The following USH2A variants were observed in gnomAD, a reference collection of about 807,000 sequenced individuals.
USH2A encodes the protein Usher syndrome 2A (autosomal recessive, mild).
In USH2A, 443 loss-of-function variants were observed where a neutral mutation model predicts 538.9. The ratio of observed to expected loss-of-function variants is 0.82; its 90% confidence interval spans 0.76 to 0.89. The LOEUF (loss-of-function observed/expected upper bound fraction) is 0.89. Ranked by LOEUF, USH2A falls within the 40% of genes least tolerant of loss-of-function variation. The pLI, the probability that USH2A is intolerant of heterozygous loss-of-function variation, is 0.00. For missense variants in USH2A, 6,633 were observed against 6,324.8 expected (o/e 1.05, Z -1.65); for synonymous variants, 2,413 against 2,273.5 (o/e 1.06, Z -1.75).
rs571120216 is a variant in USH2A at position 216,009,039 on chromosome 1, G to C, written c.6326-8477C>G. Among the ~76,000 whole-genome samples, 180 of 151,960 alleles carry C rather than the reference G, an allele frequency of 1.2e-3. 1 individual carries two copies. Among genetic ancestry groups the C allele is most frequent in the African/African-American group, 4.2e-3 (175 of 41,410 alleles). On this transcript the variant is annotated intron_variant, in intron 32 of 71. Transcript: ENST00000307340. ...GGGGAGGGGCAAATATCCCAACCTC[G>C]TATCTCTGTGCCCCAATACCTTATT... is the stretch of plus-strand genomic sequence containing the variant.
chr1:216,006,597 T>C (rs963265472), intron 32 of USH2A, among the ~76,000 whole-genome samples: 20 of 152,332 alleles, frequency 1.3e-4, no homozygotes, highest in Non-Finnish European at 2.6e-4. Context: ...TTTCAGGTTT[T>C]CCAGTTTGAA....
At chr1:216,279,961 G>T (rs1477941045) in intron 11 of USH2A, among the ~76,000 whole-genome samples, 2 of 151,850 alleles carry the variant, frequency 1.3e-5, no homozygotes, top group Non-Finnish European at 2.9e-5. Context: ...GTCAGTGGAG[G>T]GAAAGGATGG....
At chr1:215,900,302 T>C in intron 39 of USH2A, 85 bp from the exon 40 acceptor site, 1 of 1,419,516 alleles carries the variant, frequency 7.0e-7, no homozygotes, top group Non-Finnish European at 9.8e-7. Context: ...AAAAAAATTT[T>C]AGAGGATGTC....
At chr1:215,811,981 G>GTT (rs753767378) in intron 49 of USH2A, among the ~76,000 whole-genome samples, 4,792 of 78,766 alleles carry the variant, frequency 0.061, 531 homozygotes, top group East Asian at 0.13. Flanking sequence ...AACCCCTAGG[G>GTT]TTTTTTTTTT....
chr1:216,075,787 A>G (rs377045067), intron 27 of USH2A, among the ~76,000 whole-genome samples: 1 of 152,142 alleles, frequency 6.6e-6, no homozygotes, highest in East Asian at 1.9e-4. Context: ...TATGTTGCCC[A>G]GCATTTTCAA....
At chr1:216,134,609 GA>G (rs1346962759) in intron 21 of USH2A, among the ~76,000 whole-genome samples, 1 of 152,054 alleles carries the variant, frequency 6.6e-6, no homozygotes, top group Non-Finnish European at 1.5e-5. Context: ...CTGAAGGAGA[GA>G]AAAATGCTAG....
chr1:216,208,739 C>A (rs940921425), intron 15 of USH2A, among the ~76,000 whole-genome samples: 10 of 152,140 alleles, frequency 6.6e-5, no homozygotes, highest in African/African-American at 2.2e-4. Flanking sequence ...TTACAGAATT[C>A]ATCAACAAAG....
At chr1:216,159,044 C>T (rs1311833158) in intron 21 of USH2A, among the ~76,000 whole-genome samples, 1 of 152,104 alleles carries the variant, frequency 6.6e-6, no homozygotes, top group African/African-American at 2.4e-5. Context: ...GATTTCTGTA[C>T]ATTGACCTTT....
At chr1:215,987,624 A>C (rs531416712) in intron 35 of USH2A, among the ~76,000 whole-genome samples, 1 of 152,322 alleles carries the variant, frequency 6.6e-6, no homozygotes, top group South Asian at 2.1e-4. Context: ...TCAAGTGATA[A>C]TGACTCAGTA....
intron 21 of USH2A, among the ~76,000 whole-genome samples, chr1:216,121,660 A>G (rs1226421518): frequency 2.6e-5 from 4 of 152,236 alleles, no homozygotes; most frequent in Non-Finnish European, 5.9e-5. Context: ...TTACAGAATT[A>G]AAGAGCCAGA....
intron 52 of USH2A, among the ~76,000 whole-genome samples, chr1:215,783,724 T>C (rs1281406959): frequency 3.3e-5 from 5 of 152,232 alleles, no homozygotes; most frequent in Non-Finnish European, 7.3e-5. Context: ...TTATTTTCCA[T>C]GTCTCTAATT....
intron 11 of USH2A, among the ~76,000 whole-genome samples, chr1:216,278,489 TC>T (rs564581890): frequency 3.2e-4 from 49 of 152,312 alleles, no homozygotes; most frequent in African/African-American, 1.2e-3. Context: ...GAGATATTAC[TC>T]AATTTACCAG....
intron 32 of USH2A, among the ~76,000 whole-genome samples, chr1:216,012,249 T>C (rs1165921525): frequency 6.6e-6 from 1 of 151,980 alleles, no homozygotes; most frequent in Non-Finnish European, 1.5e-5. Flanking sequence ...TCATTTTCTT[T>C]ACATCATGGA....
intron 32 of USH2A, among the ~76,000 whole-genome samples, chr1:216,009,418 A>G (rs1444654675): frequency 6.6e-6 from 1 of 152,194 alleles, no homozygotes; most frequent in African/African-American, 2.4e-5. Context: ...AAATAGCCAG[A>G]AAACAGCACT....
intron 69 of USH2A, among the ~76,000 whole-genome samples, chr1:215,635,593 T>A (rs944467211): frequency 6.7e-6 from 1 of 148,388 alleles, no homozygotes; most frequent in Non-Finnish European, 1.5e-5. Flanking sequence ...TCTTGCTCTG[T>A]CACCCAGGTT....
intron 4 of USH2A, among the ~76,000 whole-genome samples, chr1:216,339,748 G>C (rs1248934352): frequency 6.6e-6 from 1 of 151,360 alleles, no homozygotes; most frequent in African/African-American, 2.4e-5. Context: ...GGTAAATAAT[G>C]AAATTAAAGC....
chr1:216,248,422 A>G (rs1166564617), intron 12 of USH2A, among the ~76,000 whole-genome samples: 2 of 152,084 alleles, frequency 1.3e-5, no homozygotes, highest in African/African-American at 4.8e-5. Flanking sequence ...AATCAACTGA[A>G]ACATTTATTT....
rs759574312 is a variant in USH2A at position 216,196,745 on chromosome 1, T to C, written c.4082-23A>G. On this transcript the variant is annotated intron_variant, in intron 18 of 71. Coordinates refer to ENST00000307340, the MANE Select transcript of USH2A (RefSeq NM_206933.4). ...GTGCTATCAATGAGAACAATAACAA[T>C]AACATCAAAACAATGAATGTCGTCC... The C allele has an allele frequency of 1.4e-5, 23 of 1,609,176 alleles. No individual in the cohort carries two copies. In the African/African-American group the frequency reaches 2.5e-4, roughly 18 times the overall value.
In USH2A at chr1:215,628,867, CT is replaced by C. The variant is rs769582796; in HGVS notation, c.15465del (p.Val5156SerfsTer2). On this transcript the variant is annotated frameshift_variant, in exon 71 of 72. Transcript: ENST00000307340. LOFTEE classifies it high-confidence loss of function. The part of the protein sequence containing the change: ...VSQLMDIQDK[K>X]VLMDNSLWEA... ...TCCCACAGTGAGTTGTCCATCAAGA[CT>C]TTCTTGTCTTGAATGTCCATGAGCT... 3 of 1,614,172 alleles carry C rather than the reference CT, an allele frequency of 1.9e-6. No individual in the cohort carries two copies. The highest frequency in any genetic ancestry group is 3.3e-5 in the Admixed American group (2 of 60,024).
Sources: allele counts gnomAD v4.1 joint callset (sites outside exome capture counted in the v4.1 genomes callset), GRCh38; gene constraint gnomAD v4.1.1; transcripts MANE v1.5; gene names NCBI Gene and HGNC (gene_info 2026-07-23, HGNC 2026-07-21).